The following DMD variants were observed in gnomAD, a reference collection of about 807,000 sequenced individuals.
DMD encodes mutant dystrophin.
A neutral mutation model predicts 330.1 loss-of-function variants in DMD; 63 were observed. That is an observed-to-expected ratio of 0.19 (90% CI 0.16 to 0.24). The LOEUF (loss-of-function observed/expected upper bound fraction) is 0.24, where lower values mean the gene tolerates loss of function less well. Among genes scored for constraint, DMD ranks in the 10% least tolerant of loss-of-function variants. The probability of loss-of-function intolerance (pLI) is 1.00; values close to 1 mark genes in which losing one functional copy is unlikely to be tolerated. For synonymous variants in DMD, 1,223 were observed against 959.8 expected (o/e 1.27, Z -5.07); for missense variants, 3,344 against 2,684.1 (o/e 1.25, Z -5.43).
chrX:32,666,037 T>C (rs2061279476), intron 9 of DMD, among the ~76,000 whole-genome samples: 1 of 110,731 alleles, frequency 9.0e-6, no homozygotes, highest in Admixed American at 9.6e-5. Context: ...AAAAAATGAA[T>C]TGATGAGATA....
intron 6 of DMD, among the ~76,000 whole-genome samples, chrX:32,811,586 C>T (rs1306660100): frequency 9.0e-6 from 1 of 111,643 alleles, no homozygotes; most frequent in Non-Finnish European, 1.9e-5. Flanking sequence ...TTATCAACTA[C>T]ACGAGAGAAT....
chrX:32,154,284 A>G (rs375936329), intron 44 of DMD, among the ~76,000 whole-genome samples: 9 of 112,387 alleles, frequency 8.0e-5, no homozygotes, highest in Middle Eastern at 4.2e-3. Context: ...AAGTCCAGTT[A>G]CTTGTTCTGG....
chrX:31,857,567 T>C (rs1394784416), intron 48 of DMD, among the ~76,000 whole-genome samples: 1 of 109,739 alleles, frequency 9.1e-6, no homozygotes, highest in Non-Finnish European at 1.9e-5. Context: ...TGCCCTGTTA[T>C]GTTCGGTAAC....
intron 7 of DMD, among the ~76,000 whole-genome samples, chrX:32,783,710 C>G (rs1393727160): frequency 9.0e-6 from 1 of 110,594 alleles, no homozygotes; most frequent in East Asian, 2.8e-4. Flanking sequence ...TTAATGTAAA[C>G]AGGAGGATGT....
intron 77 of DMD, among the ~76,000 whole-genome samples, chrX:31,131,593 C>T (rs1268621728): frequency 1.8e-5 from 2 of 111,680 alleles, no homozygotes; most frequent in Non-Finnish European, 3.8e-5. Context: ...AAGGCTCTTC[C>T]ATTTGAAAGA....
intron 43 of DMD, among the ~76,000 whole-genome samples, chrX:32,231,841 G>C (rs1403745032): frequency 9.1e-6 from 1 of 110,318 alleles, no homozygotes; most frequent in African/African-American, 3.3e-5. Flanking sequence ...AATCTCAAAG[G>C]TTGCAGCATT....
intron 41 of DMD, among the ~76,000 whole-genome samples, chrX:32,314,129 G>A (rs1425443361): frequency 9.0e-6 from 1 of 111,306 alleles, no homozygotes; most frequent in Non-Finnish European, 1.9e-5. Flanking sequence ...GAGGCATCAC[G>A]CTACCTGACT....
At chrX:31,883,328 C>T (rs1464706479) in intron 47 of DMD, among the ~76,000 whole-genome samples, 1 of 110,790 alleles carries the variant, frequency 9.0e-6, no homozygotes, top group Non-Finnish European at 1.9e-5. Flanking sequence ...GGGAGAGGCT[C>T]ATAACTGGGA....
intron 1 of DMD, among the ~76,000 whole-genome samples, chrX:33,111,191 C>G (rs749523475): frequency 2.7e-5 from 3 of 111,562 alleles, no homozygotes; most frequent in African/African-American, 9.7e-5. Flanking sequence ...TCTACAGAAA[C>G]TCAGCAGTCC....
chrX:31,126,803 G>GAAAAAAAAAAAAAAA (rs58738809), intron 77 of DMD, 130 bp from the exon 78 acceptor site: 2 of 254,603 alleles, frequency 7.9e-6, no homozygotes, highest in Admixed American at 6.8e-5. Context: ...TTCTCTGCTG[G>GAAAAAAAAAAAAAAA]AAAAAAAAAA....
At chrX:32,319,492 G>T (rs1199748614) in intron 41 of DMD, among the ~76,000 whole-genome samples, 2 of 111,386 alleles carry the variant, frequency 1.8e-5, no homozygotes, top group Non-Finnish European at 3.8e-5. Context: ...CAATTGCTGG[G>T]ATTTACATTT....
At chrX:31,311,345 G>A (rs1026801332) in intron 62 of DMD, among the ~76,000 whole-genome samples, 1 of 111,673 alleles carries the variant, frequency 9.0e-6, no homozygotes, top group Non-Finnish European at 1.9e-5. Flanking sequence ...TTGACCACGC[G>A]CTACCTTTCA....
At chrX:31,628,128 A>G (rs764431284) in intron 54 of DMD, among the ~76,000 whole-genome samples, 3 of 111,488 alleles carry the variant, frequency 2.7e-5, no homozygotes, top group Admixed American at 9.6e-5. Flanking sequence ...TCCACAGAGG[A>G]GGTTTCATAT....
intron 1 of DMD, among the ~76,000 whole-genome samples, chrX:33,148,100 G>A (rs189401622): frequency 1.8e-5 from 2 of 112,097 alleles, no homozygotes; most frequent in African/African-American, 6.5e-5. Context: ...AAGAAGGAAC[G>A]CTGCTAATCT....
chrX:32,913,179 C>A (rs149547358), intron 2 of DMD, among the ~76,000 whole-genome samples: 1 of 111,111 alleles, frequency 9.0e-6, no homozygotes, highest in African/African-American at 3.3e-5. Context: ...AAAAGTGGCC[C>A]CTGGTAACAT....
chrX:32,254,795 G>A (rs755414778), intron 43 of DMD, among the ~76,000 whole-genome samples: 9 of 111,909 alleles, frequency 8.0e-5, no homozygotes, highest in Non-Finnish European at 1.5e-4. Context: ...TAGGAATACA[G>A]ATTTATATCA....
At chrX:32,713,523 C>A (rs190901680) in intron 7 of DMD, among the ~76,000 whole-genome samples, 3 of 111,675 alleles carry the variant, frequency 2.7e-5, no homozygotes, top group Admixed American at 9.6e-5. Flanking sequence ...GAACTCCGTT[C>A]CCCCTTTCCT....
intron 1 of DMD, among the ~76,000 whole-genome samples, chrX:33,134,741 A>AAATT (rs1373441751): frequency 1.8e-5 from 2 of 111,855 alleles, no homozygotes; most frequent in African/African-American, 6.5e-5. Context: ...AGTTAAAAAT[A>AAATT]AATTAATTAA....
chrX:33,321,952 C>T (rs2065420076), intron 1 of DMD, among the ~76,000 whole-genome samples: 1 of 111,717 alleles, frequency 9.0e-6, no homozygotes, highest in African/African-American at 3.3e-5. Context: ...AGCTTCCTTA[C>T]CTCTCAGCCT....
Sources: allele counts gnomAD v4.1 joint callset (sites outside exome capture counted in the v4.1 genomes callset), GRCh38; gene constraint gnomAD v4.1.1; transcripts MANE v1.5; gene names NCBI Gene and HGNC (gene_info 2026-07-23, HGNC 2026-07-21).